GPN2: variants seen among roughly 807,000 people sequenced by gnomAD.
GPN2 encodes the protein GPN-loop GTPase 2, also known as ATP-binding domain 1 family member B.
A neutral mutation model predicts 30.1 loss-of-function variants in GPN2; 27 were observed. The observed-to-expected ratio is 0.90, with a 90% CI of 0.66 to 1.24. The LOEUF is 1.24. GPN2 is among the 50% of genes most tolerant of loss of function. The probability of loss-of-function intolerance (pLI) is 0.00; values close to 1 mark genes in which losing one functional copy is unlikely to be tolerated. For missense variants in GPN2, 406 were observed against 405.4 expected (o/e 1.00, Z -0.01); for synonymous variants, 212 against 174.4 (o/e 1.22, Z -1.70).
intron 4 of GPN2, among the ~76,000 whole-genome samples, chr1:26,882,572 G>T (rs1048593464): frequency 6.6e-6 from 1 of 152,136 alleles, no homozygotes; most frequent in Non-Finnish European, 1.5e-5. Context: ...GTAAGTGTTG[G>T]CTGGAATTAT....
At chr1:26,887,012 A>G (rs1483078254) in intron 2 of GPN2, among the ~76,000 whole-genome samples, 1 of 151,566 alleles carries the variant, frequency 6.6e-6, no homozygotes, top group Non-Finnish European at 1.5e-5. Context: ...AAAAAAAAAA[A>G]AAAGTTGCAA....
At chr1:26,886,423 C>G (rs556138647) in intron 2 of GPN2, 1 of 484,876 alleles carries the variant, frequency 2.1e-6, no homozygotes, top group African/African-American at 1.9e-5. Context: ...AGGCTGGGCA[C>G]GGTGGCTCAT....
Position 26,876,458 on chromosome 1 carries a change from T to A in GPN2, c.*3219A>T, listed in dbSNP as rs1318023446. 1 of 152,256 alleles carries A rather than the reference T, an allele frequency of 6.6e-6. No homozygotes were observed. The allele number at this position is 152,256 out of a possible 1,614,324, so 9.4% of individuals were successfully genotyped here. ...GTCTTACACTCCTGACCTCAGGTGA[T>A]CAGCCCGCCTTGGCCTCCCAAAGTG... On this transcript the variant is annotated 3_prime_UTR_variant, in exon 5 of 5. Coordinates refer to ENST00000374135, the MANE Select transcript of GPN2 (RefSeq NM_018066.4).
Position 26,887,121 on chromosome 1 carries a change from CAA to C in GPN2, c.569-990_569-989del, listed in dbSNP as rs150434039. Among the ~76,000 whole-genome samples, 1,173 of 152,172 alleles carry C rather than the reference CAA, an allele frequency of 7.7e-3. 18 individuals carry two copies. Among genetic ancestry groups the C allele is most frequent in the African/African-American group, 0.026 (1,098 of 41,522 alleles). ...CCCTCAGGACCTGGCACATACACTGCAAAGACTCTGTAAATGGTTAAACTGAA... is the reference window on the plus strand; with the variant it reads ...CCCTCAGGACCTGGCACATACACTGCAGACTCTGTAAATGGTTAAACTGAA... On this transcript the variant is annotated intron_variant, in intron 2 of 4. Transcript: ENST00000374135.
At position 26,889,715 on chromosome 1, in the gene GPN2, A is replaced by T. The variant is rs2081910234; in HGVS notation, c.382T>A (p.Phe128Ile). ...CTHHGALRSI[F>I]SQMAQWDLRL... is the part of the protein sequence containing the mutation. ...AGGTCCCACTGCGCCATTTGGGAGA[A>T]GATGCTGCGCAAGGCGCCGTGATGC... Residue 128 changes from phenylalanine (F) to isoleucine (I), a missense_variant, in exon 1 of 5, where the codon TTC becomes ATC. Transcript: ENST00000374135. 6.3e-7 allele frequency: 1 copy of T among 1,594,928 alleles called. No individual in the cohort carries two copies. The highest frequency in any genetic ancestry group is 8.6e-7 in the Non-Finnish European group (1 of 1,168,262).
At position 26,889,857 on chromosome 1, in the gene GPN2, G is replaced by C. The variant is rs542731126; in HGVS notation, c.240C>G (p.Gly80=). ...CCAGGTACTCCATGCAGTAGAGCAG[G>C]CCGCCGTTGGGCCCCAGGCGCAGCG... ...MDALRLGPNG[G]LLYCMEYLEA... Residue 80 remains glycine, a synonymous_variant, in exon 1 of 5, where the codon GGC becomes GGG. Coordinates refer to ENST00000374135, the MANE Select transcript of GPN2 (RefSeq NM_018066.4). The C allele has an allele frequency of 5.8e-5, 94 of 1,612,762 alleles. 2 individuals are homozygous for C. The South Asian group carries it at 9.8e-4, about 17-fold the overall frequency.
At chr1:26,880,495 T>C (rs1354896596) in intron 4 of GPN2, among the ~76,000 whole-genome samples, 1 of 152,176 alleles carries the variant, frequency 6.6e-6, no homozygotes, top group Non-Finnish European at 1.5e-5. Flanking sequence ...CTATTTTTAG[T>C]AGAGACAGGG....
At chr1:26,881,368 A>G (rs549367309) in intron 4 of GPN2, among the ~76,000 whole-genome samples, 2 of 152,246 alleles carry the variant, frequency 1.3e-5, no homozygotes, top group Non-Finnish European at 2.9e-5. Context: ...AAAGTATTGA[A>G]TATCTCATGT....
rs150028687 is a variant in GPN2, at chr1:26,887,364, C to T, written c.569-1231G>A. On this transcript the variant is annotated intron_variant, in intron 2 of 4. Transcript: ENST00000374135. ...ATCTGGGCTCCCTGGCAGCTCTATC[C>T]TAAAGTAAGCTGAGGACTCTACATC... 7.2e-5 allele frequency among the ~76,000 whole-genome samples: 11 copies of T among 152,218 alleles called. 1 individual carries two copies. The East Asian group carries it at 2.1e-3, about 29-fold the overall frequency.
In GPN2 at chr1:26,890,115, A is replaced by T; in HGVS notation, c.-19T>A. ...CTGCCATTGGCGGCCCGCGGCCCGG[A>T]GCAGGTCAACTCACAGGGAAAACGG... On this transcript the variant is annotated 5_prime_UTR_variant, in exon 1 of 5. Coordinates refer to ENST00000374135, the MANE Select transcript of GPN2 (RefSeq NM_018066.4). 6.7e-7 allele frequency: 1 copy of T among 1,498,614 alleles called. No individual in the cohort carries two copies. The highest frequency in any genetic ancestry group is 8.8e-7 in the Non-Finnish European group (1 of 1,130,936). The allele number at this position is 1,498,614 out of a possible 1,614,324, so 92.8% of individuals were successfully genotyped here.
Position 26,877,448 on chromosome 1 carries a change from A to G in GPN2, c.*2229T>C, listed in dbSNP as rs2081842537. ...CCAAACCACTGGTGAACTATCTATG[A>G]TTCAGTAATACTTTACAGGTGCCTA... On this transcript the variant is annotated 3_prime_UTR_variant, in exon 5 of 5. Coordinates refer to ENST00000374135, the MANE Select transcript of GPN2 (RefSeq NM_018066.4). The G allele has an allele frequency of 6.6e-6, 1 of 152,206 alleles. No homozygotes were observed. Among genetic ancestry groups the G allele is most frequent in the Non-Finnish European group, 1.5e-5 (1 of 68,056 alleles). The allele number at this position is 152,206 out of a possible 1,614,324, so 9.4% of individuals were successfully genotyped here. A position where few individuals can be genotyped will look rare whatever the true frequency, so the allele number is the denominator to read the frequency against.
intron 4 of GPN2, among the ~76,000 whole-genome samples, chr1:26,881,833 C>T (rs2081865884): frequency 6.6e-6 from 1 of 152,012 alleles, no homozygotes; most frequent in South Asian, 2.1e-4. Flanking sequence ...GGTAACGAGC[C>T]CAGGAGTTCA....
intron 1 of GPN2, 105 bp from the exon 2 acceptor site, chr1:26,889,230 C>G: frequency 2.4e-6 from 2 of 837,050 alleles, no homozygotes; most frequent in East Asian, 2.7e-5. Flanking sequence ...CCCCATTAGT[C>G]TCCTGCCTCT....
intron 4 of GPN2, among the ~76,000 whole-genome samples, chr1:26,880,557 C>T (rs925470475): frequency 1.3e-5 from 2 of 152,102 alleles, no homozygotes; most frequent in East Asian, 1.9e-4. Flanking sequence ...GTGATCCGCC[C>T]GCCTTGGCCT....
chr1:26,884,155 G>T lies in GPN2; in HGVS notation c.860+5C>A. On this transcript the variant is annotated splice_donor_5th_base_variant and intron_variant, in intron 4 of 4. Transcript: ENST00000374135. The stretch of plus-strand genomic sequence containing the variant: ...CTGCTATGGCCAGGAAGCTGGCAAG[G>T]ATACGAAGAGAAATGGAAGTCGGCT... The T allele has an allele frequency of 6.2e-7, 1 of 1,610,844 alleles. No individual in the cohort carries two copies. Among genetic ancestry groups the T allele is most frequent in the Non-Finnish European group, 8.5e-7 (1 of 1,178,206 alleles).
chr1:26,889,308 A>G (rs557067565), intron 1 of GPN2, among the ~76,000 whole-genome samples, 183 bp from the exon 2 acceptor site: 10 of 152,068 alleles, frequency 6.6e-5, no homozygotes, highest in African/African-American at 1.9e-4. Flanking sequence ...TTTTCTTACA[A>G]GAGGTCTTGC....
intron 4 of GPN2, among the ~76,000 whole-genome samples, chr1:26,883,314 G>GC (rs35378808): frequency 0.16 from 23,972 of 152,124 alleles, 1,992 homozygotes; most frequent in African/African-American, 0.19. Flanking sequence ...AACACACCAG[G>GC]AACTGGACTC....
chr1:26,886,000 A>C lies in GPN2; in HGVS notation c.702T>G (p.Leu234=). 6.2e-7 allele frequency: 1 copy of C among 1,613,612 alleles called. No homozygotes were observed. Among genetic ancestry groups the C allele is most frequent in the Non-Finnish European group, 8.5e-7 (1 of 1,179,578 alleles). Residue 234 remains leucine, a synonymous_variant, in exon 3 of 5, where the codon CTT becomes CTG. Transcript: ENST00000374135. ...KLVQLIEDYS[L]VSFIPLNIQD... is the part of the protein sequence containing the mutation. The stretch of plus-strand genomic sequence containing the variant: ...GGATGTTGAGAGGGATAAAGGAGAC[A>C]AGGCTATAGTCTTCGATGAGCTGCA...
Position 26,876,134 on chromosome 1 carries a change from C to T in GPN2, c.*3543G>A, listed in dbSNP as rs530631018. 4.6e-5 allele frequency: 7 copies of T among 151,576 alleles called. No homozygotes were observed. Among genetic ancestry groups the T allele is most frequent in the South Asian group, 2.1e-4 (1 of 4,808 alleles). 9.4% of individuals were successfully genotyped at this position (151,576 alleles called of 1,614,324 possible). On this transcript the variant is annotated 3_prime_UTR_variant, in exon 5 of 5. Coordinates refer to ENST00000374135, the MANE Select transcript of GPN2 (RefSeq NM_018066.4). Reference sequence around the variant, plus strand: ...AAAAAAAGAGAATACACAAAATATACATTTGAATATAGAATTTATTTTTCT... The same window carrying T: ...AAAAAAAGAGAATACACAAAATATATATTTGAATATAGAATTTATTTTTCT...
Sources: gnomAD v4.1 joint callset for allele counts (sites outside exome capture counted in the v4.1 genomes callset) on GRCh38, gnomAD v4.1.1 for gene constraint, MANE v1.5 for transcripts, NCBI Gene and HGNC (gene_info 2026-07-23, HGNC 2026-07-21) for gene names.